Variants in PARD3B observed in about 807,000 individuals in gnomAD.
The protein encoded by PARD3B is partitioning defective 3 homolog B.
A neutral mutation model predicts 130.2 loss-of-function variants in PARD3B; 103 were observed. The ratio of observed to expected loss-of-function variants is 0.79; its 90% CI spans 0.67 to 0.93. The LOEUF is 0.93. PARD3B is among the 40% of genes least tolerant of loss of function. The probability of loss-of-function intolerance (pLI) is 0.00; values close to 1 mark genes in which losing one functional copy is unlikely to be tolerated. For synonymous variants in PARD3B, 583 were observed against 553.2 expected (o/e 1.05, Z -0.76); for missense variants, 1,609 against 1,499.2 (o/e 1.07, Z -1.21).
chr2:205,193,422 C>A, intron 15 of PARD3B, 102 bp downstream of exon 15: 2 of 855,760 alleles, frequency 2.3e-6, no homozygotes, highest in Non-Finnish European at 1.9e-6. Context: ...CCTCAGGGAA[C>A]AAGGTCTGCA....
chr2:204,885,067 A>G (rs1378796541), intron 2 of PARD3B, among the ~76,000 whole-genome samples: 3 of 152,186 alleles, frequency 2.0e-5, no homozygotes, highest in Admixed American at 6.5e-5. Flanking sequence ...GTCTTCCACA[A>G]TGGTTGAACT....
chr2:205,597,992 C>G (rs1198655884), intron 22 of PARD3B, among the ~76,000 whole-genome samples: 1 of 152,150 alleles, frequency 6.6e-6, no homozygotes, highest in Non-Finnish European at 1.5e-5. Context: ...AAGAATGATG[C>G]CTGCCACCAC....
Position 205,288,069 on chromosome 2 carries a change from C to T in PARD3B, c.2186-12461C>T, listed in dbSNP as rs904227954. Among the ~76,000 whole-genome samples, 2 of 152,068 alleles carry T rather than the reference C, an allele frequency of 1.3e-5. No homozygotes were observed. The highest frequency in any genetic ancestry group is 2.1e-4 in the South Asian group (1 of 4,792). ...TCCCCATGTTATTAGTTTTACTGCCCATTAATCATTATATATTACCAAATA... is the reference window on the plus strand; with the variant it reads ...TCCCCATGTTATTAGTTTTACTGCCTATTAATCATTATATATTACCAAATA... On this transcript the variant is annotated intron_variant, in intron 16 of 22. Transcript: ENST00000406610. This position sits in a 1 kb window ranked among gnomAD's most constrained non-coding sequence, Gnocchi z 4.0.
intron 18 of PARD3B, among the ~76,000 whole-genome samples, chr2:205,348,407 A>T (rs2043873857): frequency 6.6e-6 from 1 of 152,232 alleles, no homozygotes; most frequent in Non-Finnish European, 1.5e-5. Flanking sequence ...CTCACGGAAG[A>T]GATGAAGCTC....
intron 15 of PARD3B, among the ~76,000 whole-genome samples, chr2:205,202,132 C>G (rs1249729064): frequency 6.6e-6 from 1 of 152,068 alleles, no homozygotes; most frequent in Non-Finnish European, 1.5e-5. Context: ...CAAAATTTAA[C>G]ATGTAATTAT....
At chr2:205,035,159 G>C (rs1169184683) in intron 3 of PARD3B, among the ~76,000 whole-genome samples, 1 of 152,002 alleles carries the variant, frequency 6.6e-6, no homozygotes, top group Non-Finnish European at 1.5e-5. Context: ...CATCACACCT[G>C]GCCAGCCATG....
At chr2:205,302,334 G>A (rs2042040974) in intron 18 of PARD3B, among the ~76,000 whole-genome samples, 3 of 151,308 alleles carry the variant, frequency 2.0e-5, no homozygotes, top group African/African-American at 4.9e-5. Context: ...GCCTCCCAAA[G>A]TGCTGGGGTT....
At chr2:205,099,614 C>T (rs1702615078) in intron 4 of PARD3B, among the ~76,000 whole-genome samples, 1 of 152,116 alleles carries the variant, frequency 6.6e-6, no homozygotes, top group African/African-American at 2.4e-5. Flanking sequence ...TTTATGTACC[C>T]TGTTAAGAGG....
At chr2:205,389,016 T>C (rs1383863743) in intron 18 of PARD3B, among the ~76,000 whole-genome samples, 1 of 152,184 alleles carries the variant, frequency 6.6e-6, no homozygotes, top group Non-Finnish European at 1.5e-5. Context: ...AAGAAACGAA[T>C]GGAGATCCTT....
At chr2:204,969,155 A>G (rs1004659949) in intron 3 of PARD3B, among the ~76,000 whole-genome samples, 1 of 152,244 alleles carries the variant, frequency 6.6e-6, no homozygotes, top group Non-Finnish European at 1.5e-5. Flanking sequence ...ATTGGAAAGA[A>G]TCATATTCAC....
chr2:204,953,802 C>T (rs530464757), intron 2 of PARD3B, among the ~76,000 whole-genome samples: 5 of 152,288 alleles, frequency 3.3e-5, no homozygotes, highest in Admixed American at 1.3e-4. Flanking sequence ...TTATGCTCAA[C>T]GTATTTCACT....
intron 1 of PARD3B, among the ~76,000 whole-genome samples, chr2:204,656,309 A>G (rs1173919852): frequency 6.6e-6 from 1 of 152,188 alleles, no homozygotes. Context: ...CCTGAAGTAG[A>G]AAAGTCAGTA....
intron 1 of PARD3B, among the ~76,000 whole-genome samples, chr2:204,634,744 C>A (rs886134873): frequency 6.6e-6 from 1 of 152,010 alleles, no homozygotes; most frequent in Non-Finnish European, 1.5e-5. Flanking sequence ...TTTTTATGTA[C>A]CTCCATCAAG....
chr2:205,047,862 T>G, intron 4 of PARD3B, 172 bp downstream of exon 4: 1 of 490,776 alleles, frequency 2.0e-6, no homozygotes, highest in East Asian at 3.2e-5. Flanking sequence ...TATATAGTTA[T>G]AGCGATAGCT....
chr2:204,735,466 G>A (rs1175020772), intron 2 of PARD3B, among the ~76,000 whole-genome samples: 1 of 152,108 alleles, frequency 6.6e-6, no homozygotes, highest in Non-Finnish European at 1.5e-5. Context: ...GTAAATGATT[G>A]GCCAAATCCT....
chr2:205,219,915 A>G (rs1378850650), intron 15 of PARD3B, among the ~76,000 whole-genome samples: 5 of 152,214 alleles, frequency 3.3e-5, no homozygotes, highest in Non-Finnish European at 5.9e-5. Context: ...ATTTGGATAT[A>G]GCAGGCTTAC....
chr2:205,176,651 A>AAAAAAG lies in PARD3B; in HGVS notation c.1924+79_1924+80insGAAAAA, dbSNP rs1234385642. ...AAAGTGTCTTTTTATCTAAAAAAAA[A>AAAAAAG]AAAAAAGAGTAAAGGGGAGTTAATT... On this transcript the variant is annotated intron_variant, in intron 13 of 22. Transcript: ENST00000406610. The surrounding 1 kb of genome is among the most constrained non-coding windows in gnomAD (Gnocchi z 5.3). The AAAAAAG allele has an allele frequency of 2.1e-6, 3 of 1,417,492 alleles. No homozygotes were observed. The highest frequency in any genetic ancestry group is 2.8e-6 in the Non-Finnish European group (3 of 1,061,100). The allele number at this position is 1,417,492 out of a possible 1,614,324, so 87.8% of individuals were successfully genotyped here. A position where few individuals can be genotyped will look rare whatever the true frequency, so the allele number is the denominator to read the frequency against.
intron 19 of PARD3B, among the ~76,000 whole-genome samples, chr2:205,406,274 G>T (rs1318490482): frequency 6.6e-6 from 1 of 152,006 alleles, no homozygotes; most frequent in African/African-American, 2.4e-5. Flanking sequence ...CAAATTATTT[G>T]CTTTAATATT....
At chr2:205,224,263 C>T (rs6737794) in intron 15 of PARD3B, among the ~76,000 whole-genome samples, 113,049 of 142,894 alleles carry the variant, frequency 0.79, 45,305 homozygotes, top group East Asian at 0.95. Context: ...CCCAGCTACT[C>T]GGGAGGCTGA....
Sources: gnomAD v4.1 joint callset for allele counts (sites outside exome capture counted in the v4.1 genomes callset) on GRCh38, gnomAD v4.1.1 for gene constraint, Gnocchi (gnomAD v3.1) non-coding constraint, MANE v1.5 for transcripts, NCBI Gene and HGNC (gene_info 2026-07-23, HGNC 2026-07-21) for gene names.